Variants in INTU observed in about 807,000 individuals in gnomAD.
INTU encodes protein inturned.
A neutral mutation model predicts 100.5 loss-of-function variants in INTU; 68 were observed. That is an observed-to-expected ratio of 0.68 (90% confidence interval 0.56 to 0.83). The LOEUF (loss-of-function observed/expected upper bound fraction) is 0.83. Among genes scored for constraint, INTU ranks in the 40% least tolerant of loss-of-function variants. The pLI is 0.00. For synonymous variants in INTU, 357 were observed against 395.7 expected (o/e 0.90, Z 1.16); for missense variants, 1,071 against 1,114.7 (o/e 0.96, Z 0.56).
At chr4:127,699,860 T>C in intron 8 of INTU, 150 bp from the exon 9 acceptor site, 1 of 518,686 alleles carries the variant, frequency 1.9e-6, no homozygotes, top group African/African-American at 2.0e-5. Context: ...AAACAATATG[T>C]TCCATTTTGA....
chr4:127,692,822 G>C (rs1730211821), intron 8 of INTU, among the ~76,000 whole-genome samples: 1 of 152,130 alleles, frequency 6.6e-6, no homozygotes, highest in Non-Finnish European at 1.5e-5. Flanking sequence ...AACCACCCCA[G>C]CACCATTTGT....
At chr4:127,658,210 A>G (rs1728321086) in intron 3 of INTU, among the ~76,000 whole-genome samples, 1 of 152,008 alleles carries the variant, frequency 6.6e-6, no homozygotes, top group African/African-American at 2.4e-5. Context: ...GTGCGCATGC[A>G]CACACACACA....
chr4:127,656,017 C>G (rs556694895), intron 2 of INTU, among the ~76,000 whole-genome samples: 1 of 152,164 alleles, frequency 6.6e-6, no homozygotes, highest in Non-Finnish European at 1.5e-5. Flanking sequence ...TTCTTTGACT[C>G]GGAAAGGGAA....
rs912020098 is a variant in INTU at position 127,720,902 on chromosome 4, T to C, written c.*4466T>C. 4 of 152,220 alleles carry C rather than the reference T, an allele frequency of 2.6e-5. No homozygotes were observed. The highest frequency in any genetic ancestry group is 2.6e-4 in the Admixed American group (4 of 15,274). 9.4% of individuals were successfully genotyped at this position (152,220 alleles called of 1,614,324 possible). A position where few individuals can be genotyped will look rare whatever the true frequency, so the allele number is the denominator to read the frequency against. Reference sequence around the variant, plus strand: ...GATGGGTCTCTTGAATACAGCACACTGATAGAGTTTGACTCTATCCAGCTT... The same window carrying C: ...GATGGGTCTCTTGAATACAGCACACCGATAGAGTTTGACTCTATCCAGCTT... On this transcript the variant is annotated 3_prime_UTR_variant, in exon 16 of 16. Transcript: ENST00000335251.
intron 1 of INTU, among the ~76,000 whole-genome samples, chr4:127,642,475 T>C (rs1727377065): frequency 3.9e-5 from 6 of 152,200 alleles, no homozygotes; most frequent in Admixed American, 3.9e-4. Flanking sequence ...GAAAGAGACA[T>C]TTGACTTTTA....
At chr4:127,685,601 A>G in intron 7 of INTU, 1 of 369,740 alleles carries the variant, frequency 2.7e-6, no homozygotes. Flanking sequence ...ATCCATAAAT[A>G]GTGCTTTTAC....
intron 2 of INTU, among the ~76,000 whole-genome samples, chr4:127,653,727 G>A (rs1335287592): frequency 1.3e-5 from 2 of 150,666 alleles, no homozygotes; most frequent in African/African-American, 2.5e-5. Context: ...TTCTGTAGAT[G>A]TCTATTAGGT....
rs1198223104 is a variant in INTU, at chr4:127,714,099, T to A, written c.2717+6T>A. 5 of 1,596,378 alleles carry A rather than the reference T, an allele frequency of 3.1e-6. No homozygotes were observed. The Admixed American group carries it at 5.5e-5, about 18-fold the overall frequency. On this transcript the variant is annotated splice_donor_region_variant and intron_variant, in intron 15 of 15. Transcript: ENST00000335251. ...ATGGCTTACTGGGTAGTAGGGTAAG[T>A]GAGAAAAAAAAGTATTTGAAAGTAA...
chr4:127,637,064 T>C (rs1434187925), intron 1 of INTU, among the ~76,000 whole-genome samples: 1 of 152,190 alleles, frequency 6.6e-6, no homozygotes, highest in Admixed American at 6.5e-5. Context: ...ATCTCCTTAC[T>C]CTTGTCTTCA....
Position 127,691,962 on chromosome 4 carries a change from G to GTGTGTGTGTATATATATATATATATATA in INTU, c.1449+4096_1449+4097insGTGTGTGTATATATATATATATATATAT. Among the ~76,000 whole-genome samples the GTGTGTGTGTATATATATATATATATATA allele has an allele frequency of 4.1e-5, 4 of 98,260 alleles. 1 individual carries two copies. The highest frequency in any genetic ancestry group is 1.6e-4 in the African/African-American group (4 of 24,936). 64.5% of individuals were successfully genotyped at this position (98,260 alleles called of 152,430 possible). On this transcript the variant is annotated intron_variant, in intron 8 of 15. Coordinates refer to ENST00000335251, the MANE Select transcript of INTU (RefSeq NM_015693.4). ...GGCGGAGTATAGTGTTCCATGGTAT[G>GTGTGTGTGTATATATATATATATATATA]TATATATATATATATATATGTCACA...
chr4:127,658,572 G>T (rs184284458), intron 3 of INTU, among the ~76,000 whole-genome samples: 285 of 152,260 alleles, frequency 1.9e-3, no homozygotes, highest in South Asian at 3.9e-3. Context: ...CTGAGTGAGG[G>T]ATCCCCTTTT....
intron 5 of INTU, among the ~76,000 whole-genome samples, chr4:127,672,391 C>G (rs866651304): frequency 6.7e-6 from 1 of 150,356 alleles, no homozygotes; most frequent in Admixed American, 6.6e-5. Flanking sequence ...TGGCTTCTTT[C>G]ATTTAGCATA....
chr4:127,669,175 T>C (rs774745487), intron 5 of INTU, 21 bp downstream of exon 5: 6 of 1,163,586 alleles, frequency 5.2e-6, no homozygotes, highest in Non-Finnish European at 7.5e-6. Flanking sequence ...TTATTTAGCT[T>C]TAATTCTGTT....
chr4:127,683,419 G>T (rs968808724), intron 6 of INTU, among the ~76,000 whole-genome samples: 1 of 152,160 alleles, frequency 6.6e-6, no homozygotes, highest in Non-Finnish European at 1.5e-5. Context: ...CTTGGAAATA[G>T]AGTATGGAGA....
At chr4:127,664,167 T>G (rs1230831384) in intron 4 of INTU, among the ~76,000 whole-genome samples, 1 of 152,120 alleles carries the variant, frequency 6.6e-6, no homozygotes, top group African/African-American at 2.4e-5. Flanking sequence ...TTAAATTCAT[T>G]TTCAATGTTT....
At chr4:127,636,052 C>A (rs1174699266) in intron 1 of INTU, among the ~76,000 whole-genome samples, 2 of 151,984 alleles carry the variant, frequency 1.3e-5, no homozygotes, top group African/African-American at 4.8e-5. Context: ...CATTGCTTGA[C>A]ACCAGGAGTC....
At chr4:127,642,837 T>C (rs1727391463) in intron 1 of INTU, among the ~76,000 whole-genome samples, 1 of 152,100 alleles carries the variant, frequency 6.6e-6, no homozygotes, top group Non-Finnish European at 1.5e-5. Context: ...CGATGAATTA[T>C]GTAATATGTG....
rs576323613 is a variant in INTU, at chr4:127,719,174, G to C, written c.*2738G>C. 2 of 152,258 alleles carry C rather than the reference G, an allele frequency of 1.3e-5. No individual in the cohort carries two copies. Among genetic ancestry groups the C allele is most frequent in the East Asian group, 3.9e-4 (2 of 5,186 alleles). The allele number at this position is 152,258 out of a possible 1,614,324, so 9.4% of individuals were successfully genotyped here. A position where few individuals can be genotyped will look rare whatever the true frequency, so the allele number is the denominator to read the frequency against. On this transcript the variant is annotated 3_prime_UTR_variant, in exon 16 of 16. Coordinates refer to ENST00000335251, the MANE Select transcript of INTU (RefSeq NM_015693.4). ...ATGTTCCTTCAATACCTAGTTTATTGAGAGTTTTTAACATGAAAGGATGTT... is the reference window on the plus strand; with the variant it reads ...ATGTTCCTTCAATACCTAGTTTATTCAGAGTTTTTAACATGAAAGGATGTT...
intron 2 of INTU, among the ~76,000 whole-genome samples, 185 bp from the exon 3 acceptor site, chr4:127,656,451 G>C (rs902677618): frequency 2.6e-5 from 4 of 152,194 alleles, no homozygotes; most frequent in African/African-American, 9.6e-5. Context: ...ATTAAGAAGA[G>C]TAAAGTTAGG....
Sources: gnomAD v4.1 joint callset for allele counts (sites outside exome capture counted in the v4.1 genomes callset) on GRCh38, gnomAD v4.1.1 for gene constraint, MANE v1.5 for transcripts, NCBI Gene and HGNC (gene_info 2026-07-23, HGNC 2026-07-21) for gene names.